Variants in CCNT2 observed in about 807,000 individuals in gnomAD.
The protein encoded by CCNT2 is cyclin-T2.
In CCNT2, 18 loss-of-function variants were observed where a neutral mutation model predicts 70.0. The observed-to-expected ratio is 0.26, with a 90% CI of 0.18 to 0.38. CCNT2 has a LOEUF of 0.38. Ranked by LOEUF, CCNT2 falls within the 10% of genes least tolerant of loss-of-function variation. CCNT2 has a pLI of 1.00. For synonymous variants in CCNT2, 334 were observed against 313.3 expected, an observed-to-expected ratio of 1.07 and a Z score of -0.70; for missense variants, 734 against 890.2, an observed-to-expected ratio of 0.82 and a Z score of 2.23.
At chr2:134,925,420 A>G (rs1680218530) in intron 2 of CCNT2, among the ~76,000 whole-genome samples, 1 of 152,108 alleles carries the variant, frequency 6.6e-6, no homozygotes, top group African/African-American at 2.4e-5. Flanking sequence ...AATTTTTAGA[A>G]GTCTTCACTA....
chr2:134,948,259 C>T (rs184118296), intron 7 of CCNT2, among the ~76,000 whole-genome samples: 5 of 152,188 alleles, frequency 3.3e-5, no homozygotes, highest in African/African-American at 1.2e-4. Context: ...GTCAGGGCTG[C>T]GGTAAGCCTT....
intron 2 of CCNT2, among the ~76,000 whole-genome samples, chr2:134,933,215 G>T (rs922997035): frequency 1.2e-4 from 18 of 152,192 alleles, no homozygotes; most frequent in African/African-American, 4.1e-4. Flanking sequence ...ATGTTGAAGA[G>T]TAATCAGATA....
chr2:134,943,939 A>G, intron 5 of CCNT2: 2 of 955,014 alleles, frequency 2.1e-6, no homozygotes, highest in Non-Finnish European at 2.5e-6. Context: ...TATTTACCTA[A>G]GTATTCTCAC....
chr2:134,943,872 T>C (rs1049587196), intron 5 of CCNT2: 7 of 981,468 alleles, frequency 7.1e-6, no homozygotes, highest in Middle Eastern at 5.2e-4. Context: ...CTACCAAGTT[T>C]TTTTAGATTT....
At chr2:134,945,025 C>T (rs1207019444) in intron 5 of CCNT2, 2 of 985,226 alleles carry the variant, frequency 2.0e-6, no homozygotes, top group Non-Finnish European at 2.4e-6. Context: ...TGGCTAATGT[C>T]ATTTTACAGG....
At chr2:134,933,285 T>TAA (rs1680915457) in intron 2 of CCNT2, among the ~76,000 whole-genome samples, 1 of 152,224 alleles carries the variant, frequency 6.6e-6, no homozygotes, top group Admixed American at 6.5e-5. Context: ...GATTAATTAT[T>TAA]AATATTAAGA....
Position 134,956,857 on chromosome 2 carries a change from G to C in CCNT2, c.*2209G>C, listed in dbSNP as rs1419967174. 6.6e-6 allele frequency: 1 copy of C among 152,578 alleles called. No homozygotes were observed. The highest frequency in any genetic ancestry group is 1.9e-4 in the East Asian group (1 of 5,198). The allele number at this position is 152,578 out of a possible 1,614,324, so 9.5% of individuals were successfully genotyped here. On this transcript the variant is annotated 3_prime_UTR_variant, in exon 9 of 9. Transcript: ENST00000264157. ...TTATTGAATCTTCATTGGTGCTAATGATGGACAGTTAAAAAGATAGCTAGT... is the reference window on the plus strand; with the variant it reads ...TTATTGAATCTTCATTGGTGCTAATCATGGACAGTTAAAAAGATAGCTAGT...
rs185737486 is a variant in CCNT2, at chr2:134,954,239, C to T, written c.1784C>T (p.Pro595Leu). ...AGTAAACACAGTGCCGACGGAATACCACCCACTGTTCTGAGGAGTCCTGTT... is the reference window on the plus strand; with the variant it reads ...AGTAAACACAGTGCCGACGGAATACTACCCACTGTTCTGAGGAGTCCTGTT... Reference protein sequence around the residue: ...GGSKHSADGIPPTVLRSPVGL... With the variant: ...GGSKHSADGILPTVLRSPVGL... The change falls in exon 9 of 9, where the codon CCA becomes CTA. Residue 595 changes from proline to leucine, a missense_variant. This residue lies in a region of CCNT2 where 532 missense variants were observed against 556.9 expected (regional missense o/e 0.96). Transcript: ENST00000264157. 128 of 1,614,152 alleles carry T rather than the reference C, an allele frequency of 7.9e-5. No individual in the cohort carries two copies. Among genetic ancestry groups the T allele is most frequent in the South Asian group, 1.2e-4 (11 of 91,072 alleles).
Position 134,958,643 on chromosome 2 carries a change from C to T in CCNT2, c.*3995C>T, listed in dbSNP as rs45453394. The T allele has an allele frequency of 2.6e-5, 4 of 152,226 alleles. No homozygotes were observed. Among genetic ancestry groups the T allele is most frequent in the African/African-American group, 7.2e-5 (3 of 41,458 alleles). 9.4% of individuals were successfully genotyped at this position (152,226 alleles called of 1,614,324 possible). On this transcript the variant is annotated 3_prime_UTR_variant, in exon 9 of 9. Coordinates refer to ENST00000264157, the MANE Select transcript of CCNT2 (RefSeq NM_058241.3). ...AACCTAATTGCTGTAAGCTGACATA[C>T]ATGGAAGCCGAAATCAAAAGGTTGC...
At chr2:134,925,725 C>G (rs1037850409) in intron 2 of CCNT2, among the ~76,000 whole-genome samples, 1 of 152,006 alleles carries the variant, frequency 6.6e-6, no homozygotes, top group African/African-American at 2.4e-5. Context: ...GAATAGTGCT[C>G]TTAAGAACAT....
chr2:134,944,479 G>A (rs558880090), intron 5 of CCNT2: 2 of 965,914 alleles, frequency 2.1e-6, no homozygotes, highest in South Asian at 9.6e-5. Context: ...TTTTGTACAA[G>A]TTCTCCTACA....
At chr2:134,939,265 G>T (rs371546036) in intron 4 of CCNT2, among the ~76,000 whole-genome samples, 1 of 152,130 alleles carries the variant, frequency 6.6e-6, no homozygotes, top group Non-Finnish European at 1.5e-5. Context: ...AATGGTAAAC[G>T]TACCCTTCAG....
chr2:134,921,640 C>T (rs1330764963), intron 2 of CCNT2, among the ~76,000 whole-genome samples: 3 of 152,222 alleles, frequency 2.0e-5, no homozygotes, highest in Admixed American at 2.0e-4. Flanking sequence ...AGGCACGAAC[C>T]ACCGTGCCCG....
intron 4 of CCNT2, among the ~76,000 whole-genome samples, chr2:134,941,666 A>G (rs1681593345): frequency 6.6e-6 from 1 of 152,236 alleles, no homozygotes; most frequent in Admixed American, 6.5e-5. Context: ...ACAAAATTAT[A>G]TAAATTTCAT....
Position 134,955,473 on chromosome 2 carries a change from G to A in CCNT2, c.*825G>A, listed in dbSNP as rs903688907. 3 of 152,646 alleles carry A rather than the reference G, an allele frequency of 2.0e-5. No homozygotes were observed. The highest frequency in any genetic ancestry group is 7.2e-5 in the African/African-American group (3 of 41,450). 9.5% of individuals were successfully genotyped at this position (152,646 alleles called of 1,614,324 possible). ...AATAAAGTTTACATACTCTTGATGT[G>A]AAGTGCATTTAAATGTTTGTTGGCT... On this transcript the variant is annotated 3_prime_UTR_variant, in exon 9 of 9. Transcript: ENST00000264157.
At chr2:134,937,855 G>A (rs913177784) in intron 3 of CCNT2, among the ~76,000 whole-genome samples, 23 of 152,200 alleles carry the variant, frequency 1.5e-4, no homozygotes, top group Non-Finnish European at 2.8e-4. Context: ...CAGAGGTTGC[G>A]GTGAGCTGAG....
chr2:134,936,653 C>G (rs1441988512), intron 2 of CCNT2, among the ~76,000 whole-genome samples, 188 bp from the exon 3 acceptor site: 1 of 151,920 alleles, frequency 6.6e-6, no homozygotes, highest in African/African-American at 2.4e-5. Flanking sequence ...CTCAGGGAGG[C>G]TGAGGCAGGA....
In CCNT2 at chr2:134,934,029, G is replaced by A. The variant is rs118028037; in HGVS notation, c.241-2812G>A. On this transcript the variant is annotated intron_variant, in intron 2 of 8. Transcript: ENST00000264157. ...CTGGCTCTGTCATCTCTACCTCCCCGTCTCCATGATTTGTATGATATATTT... is the reference window on the plus strand; with the variant it reads ...CTGGCTCTGTCATCTCTACCTCCCCATCTCCATGATTTGTATGATATATTT... Among the ~76,000 whole-genome samples the A allele has an allele frequency of 5.1e-3, 769 of 152,146 alleles. 11 individuals carry two copies. The highest frequency in any genetic ancestry group is 0.033 in the East Asian group (170 of 5,178).
At chr2:134,926,508 G>A (rs1337267856) in intron 2 of CCNT2, among the ~76,000 whole-genome samples, 3 of 152,110 alleles carry the variant, frequency 2.0e-5, no homozygotes, top group Non-Finnish European at 2.9e-5. Context: ...TCAAAAGTTC[G>A]TAGAAGTTAG....
Sources: gnomAD v4.1 joint callset for allele counts (sites outside exome capture counted in the v4.1 genomes callset) on GRCh38, gnomAD v4.1.1 for gene constraint, gnomAD v4.1.1 regional missense constraint, MANE v1.5 for transcripts, NCBI Gene and HGNC (gene_info 2026-07-23, HGNC 2026-07-21) for gene names.